SLIT2: variants seen among roughly 807,000 people sequenced by gnomAD.
The protein encoded by SLIT2 is slit guidance ligand 2, also known as slit homolog 2 protein.
Under a neutral mutation model 185.7 loss-of-function variants are expected in SLIT2, and 41 were observed. That is an observed-to-expected ratio of 0.22 (90% CI 0.17 to 0.29). The LOEUF is 0.29. Among genes scored for constraint, SLIT2 ranks in the 10% least tolerant of loss-of-function variants. The pLI, the probability that SLIT2 is intolerant of heterozygous loss-of-function variation, is 1.00. For synonymous variants in SLIT2, 693 were observed against 680.2 expected, an observed-to-expected ratio of 1.02 and a Z score of -0.29; for missense variants, 1,571 against 1,909.0, an observed-to-expected ratio of 0.82 and a Z score of 3.30.
In SLIT2 at chr4:20,525,158, A is replaced by G. The variant is rs755579697; in HGVS notation, c.1448A>G (p.Gln483Arg). 1.2e-5 allele frequency: 19 copies of G among 1,609,056 alleles called. No homozygotes were observed. In the Admixed American group the frequency reaches 1.8e-4, roughly 16 times the overall value. Reference sequence around the variant, plus strand: ...CTCTTTTTTTATTTAGCTAAAGAACAGTATTTCATTCCAGGTAGGTTTTGC... The same window carrying G: ...CTCTTTTTTTATTTAGCTAAAGAACGGTATTTCATTCCAGGTAGGTTTTGC... ...SKKFRCSAKE[Q>R]YFIPGTEDYR... The change falls in exon 15 of 37, where the codon CAG (glutamine) becomes CGG (arginine). Residue 483 changes from glutamine (Q) to arginine (R), a missense_variant. Gln to Arg is a conservative substitution (Grantham distance 43). Around this residue, in one of 3 missense-constraint regions of SLIT2, gnomAD observed 1,202 missense variants for 1,416.4 expected, o/e 0.85. Coordinates refer to ENST00000504154, the MANE Select transcript of SLIT2 (RefSeq NM_004787.4).
At chr4:20,422,177 C>T (rs556955221) in intron 4 of SLIT2, among the ~76,000 whole-genome samples, 22 of 152,176 alleles carry the variant, frequency 1.4e-4, no homozygotes, top group East Asian at 5.8e-4. Flanking sequence ...TTGCAAATTG[C>T]GTGCATTGTC....
At chr4:20,278,790 A>G (rs932742395) in intron 4 of SLIT2, among the ~76,000 whole-genome samples, 1 of 108,094 alleles carries the variant, frequency 9.3e-6, no homozygotes, top group East Asian at 3.2e-4. Flanking sequence ...TTCCAAGCCA[A>G]TTGGGTGATG....
intron 4 of SLIT2, among the ~76,000 whole-genome samples, chr4:20,296,730 A>C (rs553176245): frequency 6.6e-6 from 1 of 152,342 alleles, no homozygotes; most frequent in Non-Finnish European, 1.5e-5. Flanking sequence ...GTGATGGAAT[A>C]TCTGTGAAAA....
At chr4:20,400,220 T>A (rs1457756123) in intron 4 of SLIT2, among the ~76,000 whole-genome samples, 7 of 151,802 alleles carry the variant, frequency 4.6e-5, no homozygotes, top group African/African-American at 1.7e-4. Context: ...TTATTCTGAC[T>A]GATATGGTCA....
intron 21 of SLIT2, among the ~76,000 whole-genome samples, chr4:20,545,268 G>A (rs1463194111): frequency 6.6e-6 from 1 of 151,768 alleles, no homozygotes; most frequent in East Asian, 1.9e-4. Flanking sequence ...CACCATCTAC[G>A]TTCTAGGAAA....
At chr4:20,430,498 T>TA (rs1577643928) in intron 4 of SLIT2, among the ~76,000 whole-genome samples, 1 of 152,354 alleles carries the variant, frequency 6.6e-6, no homozygotes, top group East Asian at 1.9e-4. Flanking sequence ...TATGTTTTAA[T>TA]ATCAAAGACA....
chr4:20,268,675 T>C (rs1378453539), intron 3 of SLIT2, 135 bp from the exon 4 acceptor site: 1 of 678,794 alleles, frequency 1.5e-6, no homozygotes, highest in African/African-American at 1.8e-5. Flanking sequence ...ACTTTTGATT[T>C]GCAATGCTTG....
chr4:20,351,202 A>G (rs1372742748), intron 4 of SLIT2, among the ~76,000 whole-genome samples: 3 of 151,672 alleles, frequency 2.0e-5, no homozygotes, highest in Admixed American at 1.3e-4. Context: ...GCTCCCACCA[A>G]CACGACTGTC....
intron 1 of SLIT2, among the ~76,000 whole-genome samples, chr4:20,255,533 A>G (rs1711721385): frequency 6.6e-6 from 1 of 152,198 alleles, no homozygotes; most frequent in South Asian, 2.1e-4. Context: ...TCTGCTTAGC[A>G]TGGAGAAGTG....
chr4:20,533,242 C>CT (rs1357314997), intron 17 of SLIT2, among the ~76,000 whole-genome samples: 1 of 152,132 alleles, frequency 6.6e-6, no homozygotes, highest in Non-Finnish European at 1.5e-5. Flanking sequence ...TAATCAGGGA[C>CT]TTTTTTTGAA....
At chr4:20,506,620 T>C (rs1719229473) in intron 9 of SLIT2, among the ~76,000 whole-genome samples, 1 of 152,016 alleles carries the variant, frequency 6.6e-6, no homozygotes, top group African/African-American at 2.4e-5. Context: ...TCATTTGAGA[T>C]GTGTGTTGGG....
intron 34 of SLIT2, 23 bp downstream of exon 34, chr4:20,610,190 G>A (rs1301157681): frequency 1.2e-6 from 2 of 1,603,846 alleles, no homozygotes; most frequent in Non-Finnish European, 1.7e-6. Context: ...CCAAATTCAG[G>A]TGGTCCTGAA....
chr4:20,534,926 G>C (rs1273085514), intron 18 of SLIT2, among the ~76,000 whole-genome samples: 1 of 152,140 alleles, frequency 6.6e-6, no homozygotes, highest in African/African-American at 2.4e-5. Flanking sequence ...GGACCAGTCT[G>C]GGACCTGCTG....
intron 4 of SLIT2, among the ~76,000 whole-genome samples, chr4:20,287,526 C>T (rs1560285151): frequency 6.6e-6 from 1 of 152,134 alleles, no homozygotes; most frequent in East Asian, 1.9e-4. Context: ...CTCATTATCA[C>T]CTTAGGTCTT....
intron 4 of SLIT2, among the ~76,000 whole-genome samples, chr4:20,314,259 G>A (rs1464760424): frequency 6.6e-6 from 1 of 152,118 alleles, no homozygotes; most frequent in African/African-American, 2.4e-5. Context: ...TTAATGAAAC[G>A]AGATAATGTT....
At chr4:20,614,654 G>A (rs758029387) in intron 34 of SLIT2, among the ~76,000 whole-genome samples, 1 of 151,842 alleles carries the variant, frequency 6.6e-6, no homozygotes, top group Non-Finnish European at 1.5e-5. Flanking sequence ...GTGCATGCCT[G>A]TAATCCCAGC....
rs548176631 is a variant in SLIT2, at chr4:20,490,390, C to T, written c.776-1371C>T. On this transcript the variant is annotated intron_variant, in intron 8 of 36. Transcript: ENST00000504154. ...ACATATATACACACACACGTGCATG[C>T]ACACACACACCCCCATACATAGTAT... is the stretch of plus-strand genomic sequence containing the variant. Among the ~76,000 whole-genome samples, 37 of 139,980 alleles carry T rather than the reference C, an allele frequency of 2.6e-4. 1 individual carries two copies. Among genetic ancestry groups the T allele is most frequent in the Non-Finnish European group, 4.6e-4 (30 of 65,754 alleles). The allele number at this position is 139,980 out of a possible 152,430, so 91.8% of individuals were successfully genotyped here. A position where few individuals can be genotyped will look rare whatever the true frequency, so the allele number is the denominator to read the frequency against.
chr4:20,277,679 T>C (rs576223861), intron 4 of SLIT2, among the ~76,000 whole-genome samples: 1 of 149,906 alleles, frequency 6.7e-6, no homozygotes, highest in East Asian at 2.0e-4. Flanking sequence ...GTTATGTCAT[T>C]ATTCTATTAT....
At chr4:20,494,307 A>G (rs1295205006) in intron 9 of SLIT2, among the ~76,000 whole-genome samples, 1 of 152,194 alleles carries the variant, frequency 6.6e-6, no homozygotes, top group Non-Finnish European at 1.5e-5. Context: ...TTGATGAGAT[A>G]AAGGAGTAAT....
Sources: allele counts gnomAD v4.1 joint callset (sites outside exome capture counted in the v4.1 genomes callset), GRCh38; gene constraint gnomAD v4.1.1; regional missense constraint gnomAD v4.1.1; transcripts MANE v1.5; gene names NCBI Gene and HGNC (gene_info 2026-07-23, HGNC 2026-07-21).